Variants in FAM135B observed in about 807,000 individuals in gnomAD.
FAM135B encodes the protein family with sequence similarity 135 member B.
A neutral mutation model predicts 127.7 loss-of-function variants in FAM135B; 43 were observed. That is an observed-to-expected ratio of 0.34 (90% confidence interval 0.26 to 0.43). The LOEUF (loss-of-function observed/expected upper bound fraction) is 0.43. FAM135B is among the 20% of genes least tolerant of loss of function. The pLI is 1.00. For missense variants in FAM135B, 1,558 were observed against 1,725.6 expected (o/e 0.90, Z 1.72); for synonymous variants, 670 against 665.1 (o/e 1.01, Z -0.11).
chr8:138,239,699 T>C (rs1586853503), intron 7 of FAM135B, among the ~76,000 whole-genome samples: 2 of 152,284 alleles, frequency 1.3e-5, no homozygotes, highest in East Asian at 3.9e-4. Context: ...CACATGCACA[T>C]GTATGTTCAC....
intron 1 of FAM135B, among the ~76,000 whole-genome samples, chr8:138,393,924 G>A (rs1236125884): frequency 6.6e-6 from 1 of 152,198 alleles, no homozygotes; most frequent in Non-Finnish European, 1.5e-5. Flanking sequence ...CTAAGAGCCA[G>A]CCACAACCCC....
chr8:138,280,105 C>T (rs140931905), intron 3 of FAM135B, among the ~76,000 whole-genome samples: 271 of 152,248 alleles, frequency 1.8e-3, no homozygotes, highest in African/African-American at 6.1e-3. Context: ...AGTGGAATCC[C>T]GAATCTACCC....
chr8:138,297,984 G>C (rs1825598219), intron 3 of FAM135B, among the ~76,000 whole-genome samples: 1 of 152,164 alleles, frequency 6.6e-6, no homozygotes. Flanking sequence ...CACTTGCCCA[G>C]ACCCGGGAGC....
At chr8:138,255,409 C>G (rs567312737) in intron 5 of FAM135B, among the ~76,000 whole-genome samples, 1 of 152,240 alleles carries the variant, frequency 6.6e-6, no homozygotes, top group East Asian at 1.9e-4. Flanking sequence ...TTGCCTAAGC[C>G]AAGGGAGGAG....
chr8:138,443,504 A>T (rs1835929933), intron 1 of FAM135B, among the ~76,000 whole-genome samples: 1 of 152,124 alleles, frequency 6.6e-6, no homozygotes, highest in East Asian at 1.9e-4. Context: ...CTTACACCAA[A>T]CCTGAAAGGC....
Position 138,131,023 on chromosome 8 carries a change from C to T in FAM135B, c.*1570G>A, listed in dbSNP as rs1274036730. On this transcript the variant is annotated 3_prime_UTR_variant, in exon 20 of 20. Transcript: ENST00000395297. Reference sequence around the variant, plus strand: ...AAAAGAATACCACATGTCTACACTCCTGCAAAGCTGCCCATCTGGACTCAT... The same window carrying T: ...AAAAGAATACCACATGTCTACACTCTTGCAAAGCTGCCCATCTGGACTCAT... The T allele has an allele frequency of 6.6e-6, 1 of 152,248 alleles. No homozygotes were observed. Among genetic ancestry groups the T allele is most frequent in the East Asian group, 1.9e-4 (1 of 5,196 alleles). 9.4% of individuals were successfully genotyped at this position (152,248 alleles called of 1,614,324 possible). A position where few individuals can be genotyped will look rare whatever the true frequency, so the allele number is the denominator to read the frequency against.
chr8:138,307,051 C>G (rs1587031084), intron 3 of FAM135B, among the ~76,000 whole-genome samples: 1 of 152,318 alleles, frequency 6.6e-6, no homozygotes, highest in East Asian at 1.9e-4. Context: ...TGTTCAGCAA[C>G]ATCCCTCCTG....
chr8:138,168,579 T>C (rs562941843), intron 11 of FAM135B, among the ~76,000 whole-genome samples: 1 of 152,282 alleles, frequency 6.6e-6, no homozygotes, highest in African/African-American at 2.4e-5. Context: ...AGGGCCATAT[T>C]TTTTGGTTTC....
rs150211464 is a variant in FAM135B, at chr8:138,204,757, C to T, written c.670-7088G>A. 4.6e-5 allele frequency among the ~76,000 whole-genome samples: 7 copies of T among 152,176 alleles called. No individual in the cohort carries two copies. In the East Asian group the frequency reaches 1.3e-3, roughly 29 times the overall value. ...TGCTTTATATGGAATATGTATGTAA[C>T]CTGATTTTAACTTTGCCTGGGATAA... On this transcript the variant is annotated intron_variant, in intron 7 of 19. Coordinates refer to ENST00000395297, the MANE Select transcript of FAM135B (RefSeq NM_015912.4).
chr8:138,308,780 G>A (rs562671349), intron 3 of FAM135B, among the ~76,000 whole-genome samples: 9 of 152,094 alleles, frequency 5.9e-5, no homozygotes, highest in South Asian at 2.1e-4. Flanking sequence ...TGGCTCATCC[G>A]GTGACAGGAC....
chr8:138,337,464 G>A lies in FAM135B; in HGVS notation c.78-26544C>T, dbSNP rs1231065057. On this transcript the variant is annotated intron_variant, in intron 2 of 19. Transcript: ENST00000395297. The stretch of plus-strand genomic sequence containing the variant: ...TCACAAGCATTCTTATACACCAATA[G>A]CAGACAAACAGAGGGCCAAATCATG... 8.3e-3 allele frequency among the ~76,000 whole-genome samples: 1,255 copies of A among 150,732 alleles called. 14 individuals are homozygous for A. The highest frequency in any genetic ancestry group is 0.024 in the African/African-American group (982 of 40,788).
intron 1 of FAM135B, among the ~76,000 whole-genome samples, chr8:138,403,866 G>A (rs1223220709): frequency 6.6e-6 from 1 of 152,188 alleles, no homozygotes; most frequent in African/African-American, 2.4e-5. Context: ...TGCCAGCAAT[G>A]TCTGAAAACA....
intron 7 of FAM135B, among the ~76,000 whole-genome samples, chr8:138,208,509 A>G (rs868174750): frequency 1.3e-5 from 2 of 152,146 alleles, no homozygotes; most frequent in Middle Eastern, 3.4e-3. Flanking sequence ...ATTCTTTCTG[A>G]TCCCGTTTAT....
At chr8:138,470,513 T>C (rs1261240435) in intron 1 of FAM135B, among the ~76,000 whole-genome samples, 2 of 152,238 alleles carry the variant, frequency 1.3e-5, no homozygotes, top group African/African-American at 4.8e-5. Flanking sequence ...ATTTGTTTTT[T>C]AACTTGTGAT....
intron 1 of FAM135B, among the ~76,000 whole-genome samples, chr8:138,492,235 C>T (rs545031815): frequency 2.0e-5 from 3 of 152,010 alleles, no homozygotes; most frequent in African/African-American, 7.2e-5. Flanking sequence ...CAACCATGAC[C>T]CCTCCTTCCT....
intron 2 of FAM135B, among the ~76,000 whole-genome samples, chr8:138,356,398 A>G (rs1830093199): frequency 6.6e-6 from 1 of 152,178 alleles, no homozygotes; most frequent in Admixed American, 6.5e-5. Context: ...ACCAGGGCAG[A>G]TATTGAACCC....
intron 2 of FAM135B, among the ~76,000 whole-genome samples, chr8:138,348,127 C>CTTTTTTTTTTTTTTTTTT (rs58289442): frequency 1.9e-5 from 1 of 52,840 alleles, no homozygotes; most frequent in African/African-American, 8.3e-5. Context: ...TTTTCCTCCT[C>CTTTTTTTTTTTTTTTTTT]TTTTTTTTTT....
chr8:138,237,015 G>A (rs1399681954), intron 7 of FAM135B, among the ~76,000 whole-genome samples: 1 of 152,154 alleles, frequency 6.6e-6, no homozygotes, highest in African/African-American at 2.4e-5. Flanking sequence ...CCTAAAGTCC[G>A]TGTCTTCCCA....
intron 1 of FAM135B, chr8:138,437,007 C>A (rs1219909334): frequency 6.6e-6 from 1 of 152,098 alleles, no homozygotes; most frequent in Non-Finnish European, 1.5e-5. Flanking sequence ...AGAATAAAGT[C>A]CAAATGCTGT....
Sources: gnomAD v4.1 joint callset for allele counts (sites outside exome capture counted in the v4.1 genomes callset) on GRCh38, gnomAD v4.1.1 for gene constraint, MANE v1.5 for transcripts, NCBI Gene and HGNC (gene_info 2026-07-23, HGNC 2026-07-21) for gene names.